DPP6: variants seen among roughly 807,000 people sequenced by gnomAD.
The protein encoded by DPP6 is dipeptidyl peptidase like 6, also known as A-type potassium channel modulatory protein DPP6.
A neutral mutation model predicts 122.6 loss-of-function variants in DPP6; 69 were observed. The observed-to-expected ratio is 0.56, with a 90% CI of 0.46 to 0.69. The LOEUF (loss-of-function observed/expected upper bound fraction) is 0.69, where lower values mean the gene tolerates loss of function less well. Among genes scored for constraint, DPP6 ranks in the 30% least tolerant of loss-of-function variants. The pLI, the probability that DPP6 is intolerant of heterozygous loss-of-function variation, is 0.00. For synonymous variants in DPP6, 418 were observed against 433.1 expected (o/e 0.97, Z 0.43); for missense variants, 928 against 1,116.9 (o/e 0.83, Z 2.41).
At chr7:154,153,607 G>A (rs1314190120) in intron 1 of DPP6, among the ~76,000 whole-genome samples, 1 of 152,172 alleles carries the variant, frequency 6.6e-6, no homozygotes, top group African/African-American at 2.4e-5. Flanking sequence ...ACCCTCTGCT[G>A]GTCATTTTCT....
intron 3 of DPP6, among the ~76,000 whole-genome samples, chr7:154,501,260 A>T (rs1024211821): frequency 2.0e-5 from 3 of 152,194 alleles, no homozygotes; most frequent in African/African-American, 4.8e-5. Context: ...AGAAAAAAAA[A>T]ATCCCATTTT....
At chr7:154,285,520 C>T (rs1362052153) in intron 1 of DPP6, among the ~76,000 whole-genome samples, 1 of 152,190 alleles carries the variant, frequency 6.6e-6, no homozygotes, top group Non-Finnish European at 1.5e-5. Flanking sequence ...CCACCTTGGC[C>T]TCACAAAAAG....
intron 6 of DPP6, among the ~76,000 whole-genome samples, chr7:154,642,259 T>A (rs1242912631): frequency 6.6e-6 from 1 of 152,096 alleles, no homozygotes; most frequent in Non-Finnish European, 1.5e-5. Flanking sequence ...TTGTTCTACT[T>A]CCATAGGTCT....
intron 1 of DPP6, chr7:154,058,798 C>A (rs1446362351): frequency 1.3e-5 from 2 of 151,006 alleles, no homozygotes; most frequent in Admixed American, 6.6e-5. Context: ...GGGGAGGCAC[C>A]CCCCACGACA....
intron 2 of DPP6, among the ~76,000 whole-genome samples, chr7:154,452,378 G>C (rs139055448): frequency 6.6e-6 from 1 of 152,148 alleles, no homozygotes; most frequent in Non-Finnish European, 1.5e-5. Context: ...GGCTTCCACC[G>C]GTGAAAGTGA....
Position 153,966,608 on chromosome 7 carries a change from TTTA to T in DPP6, c.51+78875_51+78877del, listed in dbSNP as rs201026919. Among the ~76,000 whole-genome samples the T allele has an allele frequency of 4.8e-5, 4 of 82,740 alleles. 1 individual carries two copies. Among genetic ancestry groups the T allele is most frequent in the East Asian group, 3.4e-4 (1 of 2,948 alleles). The allele number at this position is 82,740 out of a possible 152,430, so 54.3% of individuals were successfully genotyped here. Reference sequence around the variant, plus strand: ...TTTTTACTGCATATAGCCCTTTTTTTTTAAAAAATTATACTTTAATTTTTACAG... The same window carrying T: ...TTTTTACTGCATATAGCCCTTTTTTTAAAAATTATACTTTAATTTTTACAG... On this transcript the variant is annotated intron_variant, in intron 1 of 25. Transcript: ENST00000404039.
At chr7:154,655,763 G>T (rs1057508264) in intron 6 of DPP6, among the ~76,000 whole-genome samples, 1 of 152,216 alleles carries the variant, frequency 6.6e-6, no homozygotes, top group Non-Finnish European at 1.5e-5. Flanking sequence ...GCCGGCTCAG[G>T]CCAGAAGCCC....
At chr7:154,288,215 T>C (rs1490965839) in intron 1 of DPP6, among the ~76,000 whole-genome samples, 1 of 152,248 alleles carries the variant, frequency 6.6e-6, no homozygotes, top group African/African-American at 2.4e-5. Context: ...GGGAGCCTGC[T>C]GAGCTCTGCT....
intron 1 of DPP6, among the ~76,000 whole-genome samples, chr7:154,106,483 G>A (rs1367589829): frequency 2.3e-5 from 3 of 132,764 alleles, no homozygotes; most frequent in Non-Finnish European, 3.2e-5. Context: ...TCCCTGCACT[G>A]GGCTGCGTGC....
intron 1 of DPP6, among the ~76,000 whole-genome samples, chr7:154,415,722 T>C (rs1305830991): frequency 3.4e-5 from 5 of 149,000 alleles, no homozygotes; most frequent in African/African-American, 1.2e-4. Flanking sequence ...CAGTACTCTG[T>C]CATCTAGAAT....
At position 154,383,560 on chromosome 7, in the gene DPP6, A is replaced by AT. The variant is rs537596906; in HGVS notation, c.244-62647dup. On this transcript the variant is annotated intron_variant, in intron 1 of 25. Transcript: ENST00000377770. ...ATTACATGAAAAAATATGGTGGAAG[A>AT]TTTTTTTCTCTGATTAATGACTCAA... Among the ~76,000 whole-genome samples the AT allele has an allele frequency of 1.8e-4, 27 of 152,242 alleles. No homozygotes were observed. The South Asian group carries it at 4.8e-3, about 27-fold the overall frequency.
chr7:154,030,372 G>A (rs897305771), intron 1 of DPP6, among the ~76,000 whole-genome samples: 3 of 152,122 alleles, frequency 2.0e-5, no homozygotes, highest in African/African-American at 7.2e-5. Context: ...TCTGTGGGGT[G>A]GTGAGGGCAC....
intron 1 of DPP6, among the ~76,000 whole-genome samples, chr7:154,183,535 A>C (rs993734585): frequency 6.6e-6 from 1 of 152,160 alleles, no homozygotes; most frequent in African/African-American, 2.4e-5. Context: ...GTGGTGATTG[A>C]CATGCAAAAT....
At chr7:153,776,366 G>A in the DPP6 span, among the ~76,000 whole-genome samples, 1 of 152,156 alleles carries the variant, frequency 6.6e-6, no homozygotes, top group Non-Finnish European at 1.5e-5. Context: ...GAGTCCTCCT[G>A]AGGCGTGATG....
intron 1 of DPP6, among the ~76,000 whole-genome samples, chr7:154,060,268 G>T (rs1238500584): frequency 7.9e-6 from 1 of 126,882 alleles, no homozygotes; most frequent in South Asian, 2.5e-4. Context: ...CACCCCCCGC[G>T]AGGCAGGGAC....
At chr7:154,078,370 A>T (rs1803723224) in intron 1 of DPP6, among the ~76,000 whole-genome samples, 1 of 151,962 alleles carries the variant, frequency 6.6e-6, no homozygotes, top group Non-Finnish European at 1.5e-5. Context: ...ACACACACAC[A>T]CACACACACA....
chr7:154,129,058 C>G (rs371875731), intron 1 of DPP6, among the ~76,000 whole-genome samples: 1 of 152,048 alleles, frequency 6.6e-6, no homozygotes, highest in Non-Finnish European at 1.5e-5. Context: ...CCCACCACCC[C>G]CCGACACACC....
intron 18 of DPP6, among the ~76,000 whole-genome samples, chr7:154,871,513 A>G (rs1419881898): frequency 6.6e-6 from 1 of 152,206 alleles, no homozygotes; most frequent in African/African-American, 2.4e-5. Flanking sequence ...AAAGTAGGAC[A>G]TCTTCCAGAA....
At chr7:153,886,249 C>T (rs1428121139), upstream of DPP6, among the ~76,000 whole-genome samples, 1 of 152,066 alleles carries the variant, frequency 6.6e-6, no homozygotes, top group East Asian at 1.9e-4. Flanking sequence ...CTCCTGGGAG[C>T]GCGCATCTGT....
Sources: gnomAD v4.1 joint callset for allele counts (sites outside exome capture counted in the v4.1 genomes callset) on GRCh38, gnomAD v4.1.1 for gene constraint, MANE v1.5 for transcripts, NCBI Gene and HGNC (gene_info 2026-07-23, HGNC 2026-07-21) for gene names.